The following PEX14 variants were observed in gnomAD, a reference collection of about 807,000 sequenced individuals.
PEX14 encodes the protein peroxisomal biogenesis factor 14.
In PEX14, 15 loss-of-function variants were observed where a neutral mutation model predicts 49.5. The observed-to-expected ratio is 0.30, with a 90% CI of 0.20 to 0.47. The LOEUF (loss-of-function observed/expected upper bound fraction) is 0.47. Ranked by LOEUF, PEX14 falls within the 20% of genes least tolerant of loss-of-function variation. PEX14 has a pLI of 1.00. For missense variants in PEX14, 398 were observed against 494.8 expected (o/e 0.80, Z 1.86); for synonymous variants, 210 against 212.7 (o/e 0.99, Z 0.11).
At chr1:10,569,963 T>C (rs1451827975) in intron 3 of PEX14, among the ~76,000 whole-genome samples, 1 of 152,216 alleles carries the variant, frequency 6.6e-6, no homozygotes, top group African/African-American at 2.4e-5. Flanking sequence ...ATTATTTCTT[T>C]AATAATTTCC....
At chr1:10,558,396 A>G (rs1249091366) in intron 3 of PEX14, among the ~76,000 whole-genome samples, 2 of 152,162 alleles carry the variant, frequency 1.3e-5, no homozygotes, top group East Asian at 3.9e-4. Flanking sequence ...GAATCAAGAA[A>G]GAAGATCCCT....
intron 5 of PEX14, among the ~76,000 whole-genome samples, chr1:10,621,472 G>C (rs575624883): frequency 1.0e-4 from 15 of 150,356 alleles, no homozygotes; most frequent in Admixed American, 5.3e-4. Flanking sequence ...ACAGCCTCCC[G>C]AGGAGCTGGG....
chr1:10,494,281 A>G lies in PEX14; in HGVS notation c.37-993A>G, dbSNP rs1168526620. On this transcript the variant is annotated intron_variant, in intron 1 of 8. Transcript: ENST00000356607. This position sits in a 1 kb window ranked among gnomAD's most constrained non-coding sequence, Gnocchi z 4.3. ...CTGTCCTTTTCCAAGGCGGCCTGGC[A>G]CTTCCATCTGATCTGTAATAGCCGG... Among the ~76,000 whole-genome samples, 1 of 152,172 alleles carries G rather than the reference A, an allele frequency of 6.6e-6. No homozygotes were observed. Among genetic ancestry groups the G allele is most frequent in the African/African-American group, 2.4e-5 (1 of 41,446 alleles).
At chr1:10,589,797 C>CT in intron 3 of PEX14, among the ~76,000 whole-genome samples, 1 of 152,304 alleles carries the variant, frequency 6.6e-6, no homozygotes, top group African/African-American at 2.4e-5. Context: ...TTTTAAAACT[C>CT]TTGCGATAGA....
At chr1:10,537,766 C>T (rs1488338288) in intron 3 of PEX14, among the ~76,000 whole-genome samples, 2 of 152,126 alleles carry the variant, frequency 1.3e-5, no homozygotes, top group African/African-American at 2.4e-5. Flanking sequence ...CACTTCCCCA[C>T]CGCAGGCTTT....
At chr1:10,576,947 C>T (rs1298468925) in intron 3 of PEX14, among the ~76,000 whole-genome samples, 4 of 151,746 alleles carry the variant, frequency 2.6e-5, no homozygotes, top group Non-Finnish European at 4.4e-5. Context: ...GAGGGGGTTT[C>T]ACCAGGCTGG....
rs140575880 is a variant in PEX14, at chr1:10,630,124, G to T, written c.*137G>T. 1.2e-5 allele frequency: 16 copies of T among 1,339,870 alleles called. No individual in the cohort carries two copies. Among genetic ancestry groups the T allele is most frequent in the Non-Finnish European group, 1.5e-5 (15 of 992,274 alleles). The allele number at this position is 1,339,870 out of a possible 1,614,324, so 83.0% of individuals were successfully genotyped here. On this transcript the variant is annotated 3_prime_UTR_variant, in exon 9 of 9. Transcript: ENST00000356607. This position sits in a 1 kb window ranked among gnomAD's most constrained non-coding sequence, Gnocchi z 4.1. ...GCAGAGCTGTCCTCAGCTGCACTGC[G>T]GCCTGGTGGCAGTGTGGGGAGTCAC...
intron 3 of PEX14, 75 bp from the exon 4 acceptor site, chr1:10,599,163 C>G: frequency 6.7e-7 from 1 of 1,485,858 alleles, no homozygotes. Context: ...AAGGTCTTTG[C>G]TCAGTGAAGA....
At chr1:10,507,064 C>T (rs1056091592) in intron 2 of PEX14, among the ~76,000 whole-genome samples, 5 of 152,206 alleles carry the variant, frequency 3.3e-5, no homozygotes, top group Admixed American at 6.5e-5. Context: ...ATTCTGGCCT[C>T]GCTGTTGGTG....
chr1:10,498,651 G>C (rs562980342), intron 2 of PEX14, among the ~76,000 whole-genome samples: 2 of 152,292 alleles, frequency 1.3e-5, no homozygotes, highest in Non-Finnish European at 2.9e-5. Context: ...AACCAACCCA[G>C]CAACATTGAC....
Position 10,627,288 on chromosome 1 carries a change from A to G in PEX14, c.602A>G (p.Asn201Ser), listed in dbSNP as rs142285791. Residue 201 changes from asparagine to serine, a missense_variant, in exon 8 of 9, where the codon AAC becomes AGC. Physicochemically the swap from Asn to Ser is conservative, Grantham distance 46. Coordinates refer to ENST00000356607, the MANE Select transcript of PEX14 (RefSeq NM_004565.3). ...TGCTTTCAGGCCACCACATCCACCA[A>G]CTGGATCCTGGAGTCCCAGAATATC... ...LAAAKATTST[N>S]WILESQNINE... The G allele has an allele frequency of 2.7e-4, 430 of 1,613,422 alleles. 2 individuals carry two copies. The highest frequency in any genetic ancestry group is 2.4e-3 in the African/African-American group (177 of 75,028).
At chr1:10,502,232 C>T (rs1040999207) in intron 2 of PEX14, among the ~76,000 whole-genome samples, 2 of 152,076 alleles carry the variant, frequency 1.3e-5, no homozygotes, top group Non-Finnish European at 2.9e-5. Flanking sequence ...CACTAGTGTC[C>T]GTGTATACTG....
At chr1:10,568,086 T>C (rs1366057617) in intron 3 of PEX14, among the ~76,000 whole-genome samples, 1 of 152,156 alleles carries the variant, frequency 6.6e-6, no homozygotes, top group East Asian at 1.9e-4. Flanking sequence ...TCATGTCAGT[T>C]TTTCCAGGTG....
rs1638781279 is a variant in PEX14, at chr1:10,535,775, A to ATG, written c.85-438_85-437insTG. ...TATAAAAGGGCTGTGCTGATAGAGAACGTGTGTGTGTGTGTGTGCGTGTGT... is the reference window on the plus strand; with the variant it reads ...TATAAAAGGGCTGTGCTGATAGAGAATGCGTGTGTGTGTGTGTGTGCGTGTGT... On this transcript the variant is annotated intron_variant, in intron 2 of 8. Transcript: ENST00000356607. The ATG allele has an allele frequency of 1.2e-5, 3 of 243,292 alleles. No homozygotes were observed. The East Asian group carries it at 3.2e-4, about 26-fold the overall frequency. The allele number at this position is 243,292 out of a possible 1,614,324, so 15.1% of individuals were successfully genotyped here.
intron 4 of PEX14, among the ~76,000 whole-genome samples, chr1:10,609,627 G>A (rs1284820093): frequency 2.0e-5 from 3 of 152,194 alleles, no homozygotes; most frequent in Non-Finnish European, 2.9e-5. Flanking sequence ...GCTCATGCCT[G>A]TAATTCCAGC....
At chr1:10,517,389 C>G (rs1325437175) in intron 2 of PEX14, among the ~76,000 whole-genome samples, 1 of 152,000 alleles carries the variant, frequency 6.6e-6, no homozygotes. Flanking sequence ...GTCGGTTCAC[C>G]CTCTGATATA....
At chr1:10,541,096 T>A (rs1482895894) in intron 3 of PEX14, among the ~76,000 whole-genome samples, 1 of 152,174 alleles carries the variant, frequency 6.6e-6, no homozygotes, top group East Asian at 1.9e-4. Flanking sequence ...GACTCAGTCA[T>A]AAGTGTGAAC....
chr1:10,608,330 A>C (rs1343907840), intron 4 of PEX14, among the ~76,000 whole-genome samples: 2 of 152,176 alleles, frequency 1.3e-5, no homozygotes, highest in African/African-American at 4.8e-5. Context: ...TTATGTTCAA[A>C]AGATTATCTT....
intron 3 of PEX14, among the ~76,000 whole-genome samples, chr1:10,565,156 C>A (rs1406583569): frequency 1.3e-5 from 2 of 152,180 alleles, no homozygotes; most frequent in Non-Finnish European, 2.9e-5. Context: ...CCCGCCTCGG[C>A]CTCCCAAAGT....
Sources: gnomAD v4.1 joint callset for allele counts (sites outside exome capture counted in the v4.1 genomes callset) on GRCh38, gnomAD v4.1.1 for gene constraint, Gnocchi (gnomAD v3.1) non-coding constraint, MANE v1.5 for transcripts, NCBI Gene and HGNC (gene_info 2026-07-23, HGNC 2026-07-21) for gene names.